Variants in IGF1R observed in about 807,000 individuals in gnomAD.
The protein encoded by IGF1R is insulin-like growth factor 1 receptor.
A neutral mutation model predicts 144.6 loss-of-function variants in IGF1R; 44 were observed. That is an observed-to-expected ratio of 0.30 (90% confidence interval 0.24 to 0.39). IGF1R has a LOEUF of 0.39. Among genes scored for constraint, IGF1R ranks in the 10% least tolerant of loss-of-function variants. The pLI, the probability that IGF1R is intolerant of heterozygous loss-of-function variation, is 1.00. For missense variants in IGF1R, 1,355 were observed against 1,833.7 expected (o/e 0.74, Z 4.77); for synonymous variants, 795 against 722.8 (o/e 1.10, Z -1.60).
intron 2 of IGF1R, among the ~76,000 whole-genome samples, chr15:98,789,052 A>G (rs1210921458): frequency 6.6e-6 from 1 of 152,228 alleles, no homozygotes; most frequent in Non-Finnish European, 1.5e-5. Context: ...AAAAAAGCAC[A>G]CGTAGGCTTA....
chr15:98,775,288 C>G (rs575995311), intron 2 of IGF1R, among the ~76,000 whole-genome samples: 1 of 152,166 alleles, frequency 6.6e-6, no homozygotes, highest in Non-Finnish European at 1.5e-5. Flanking sequence ...TTAACAGTCA[C>G]AAGACTGTAG....
Position 98,957,434 on chromosome 15 carries a change from A to C in IGF1R, c.4096A>C (p.Thr1366Pro), listed in dbSNP as rs773129173. The change falls in exon 21 of 21, where the codon ACC becomes CCC. Residue 1366 changes from threonine to proline, a missense_variant. Physicochemically the swap from Thr to Pro is conservative, Grantham distance 38. Transcript: ENST00000650285. Reference sequence around the variant, plus strand: ...GGCCTTGCCGCTGCCCCAGTCTTCGACCTGCTGATCCTTGGATCCTGAATC... The same window carrying C: ...GGCCTTGCCGCTGCCCCAGTCTTCGCCCTGCTGATCCTTGGATCCTGAATC... ...ERALPLPQSS[T>P]C is the part of the protein sequence containing the mutation. 2.5e-4 allele frequency: 399 copies of C among 1,612,812 alleles called. No homozygotes were observed. The highest frequency in any genetic ancestry group is 3.3e-4 in the Non-Finnish European group (388 of 1,180,040).
intron 5 of IGF1R, among the ~76,000 whole-genome samples, chr15:98,902,081 G>A (rs892187392): frequency 6.6e-6 from 1 of 152,110 alleles, no homozygotes; most frequent in African/African-American, 2.4e-5. Flanking sequence ...TTTCATCCCA[G>A]TGTTTCTCAA....
chr15:98,863,266 G>A (rs1189405923), intron 2 of IGF1R, among the ~76,000 whole-genome samples: 1 of 152,082 alleles, frequency 6.6e-6, no homozygotes, highest in Admixed American at 6.5e-5. Flanking sequence ...CATCCTGTCA[G>A]GAGATGCGTG....
Position 98,957,140 on chromosome 15 carries a change from G to A in IGF1R, c.3802G>A (p.Glu1268Lys). The change falls in exon 21 of 21, where the codon GAG (glutamate) becomes AAG (lysine). Residue 1268 changes from glutamate to lysine, a missense_variant. Around this residue, in one of 7 missense-constraint regions of IGF1R, gnomAD observed 219 missense variants for 188.8 expected, o/e 1.16. Coordinates refer to ENST00000650285, the MANE Select transcript of IGF1R (RefSeq NM_000875.5). Reference protein sequence around the residue: ...SFLEIISSIKEEMEPGFREVS... With the variant: ...SFLEIISSIKKEMEPGFREVS... Reference sequence around the variant, plus strand: ...CCTGGAGATCATCAGCAGCATCAAAGAGGAGATGGAGCCTGGCTTCCGGGA... The same window carrying A: ...CCTGGAGATCATCAGCAGCATCAAAAAGGAGATGGAGCCTGGCTTCCGGGA... The A allele has an allele frequency of 6.2e-7, 1 of 1,614,242 alleles. No homozygotes were observed. Among genetic ancestry groups the A allele is most frequent in the South Asian group, 1.1e-5 (1 of 91,086 alleles).
At chr15:98,850,421 A>T (rs1475693256) in intron 2 of IGF1R, among the ~76,000 whole-genome samples, 1 of 152,066 alleles carries the variant, frequency 6.6e-6, no homozygotes, top group Non-Finnish European at 1.5e-5. Flanking sequence ...GGTTCTGCAG[A>T]CACCTGGGGG....
chr15:98,918,401 A>G (rs1200437138), intron 10 of IGF1R, among the ~76,000 whole-genome samples: 1 of 150,440 alleles, frequency 6.6e-6, no homozygotes, highest in East Asian at 1.9e-4. Flanking sequence ...TTTTAAAGTG[A>G]TTTTTTTTTT....
intron 2 of IGF1R, among the ~76,000 whole-genome samples, chr15:98,740,653 T>C (rs2054716282): frequency 6.6e-6 from 1 of 152,226 alleles, no homozygotes; most frequent in African/African-American, 2.4e-5. Flanking sequence ...CGGCTTACCA[T>C]ATCTGTAGGG....
chr15:98,762,233 CTTTTCTTTTT>C (rs1444463333), intron 2 of IGF1R, among the ~76,000 whole-genome samples: 58 of 128,448 alleles, frequency 4.5e-4, no homozygotes, highest in South Asian at 5.0e-4. Flanking sequence ...CTTTTCTTTT[CTTTTCTTTTT>C]TTTTTTTTTT....
At chr15:98,770,297 C>G (rs553286130) in intron 2 of IGF1R, among the ~76,000 whole-genome samples, 1 of 152,246 alleles carries the variant, frequency 6.6e-6, no homozygotes, top group African/African-American at 2.4e-5. Flanking sequence ...AAGTTGATCT[C>G]TTGGAGGTAG....
intron 2 of IGF1R, among the ~76,000 whole-genome samples, chr15:98,749,680 T>C (rs898852338): frequency 6.6e-6 from 1 of 152,232 alleles, no homozygotes; most frequent in Non-Finnish European, 1.5e-5. Flanking sequence ...TCAGTAACAA[T>C]TATGCCTTAC....
intron 20 of IGF1R, among the ~76,000 whole-genome samples, chr15:98,949,605 A>C (rs1206788868): frequency 2.6e-5 from 4 of 152,128 alleles, no homozygotes; most frequent in African/African-American, 9.7e-5. Context: ...TCCTGACCTC[A>C]GATGATCTCC....
chr15:98,666,844 T>C (rs1241550478), intron 1 of IGF1R, among the ~76,000 whole-genome samples: 1 of 152,186 alleles, frequency 6.6e-6, no homozygotes, highest in East Asian at 1.9e-4. Context: ...AGCAACATTG[T>C]GAATCAGTGT....
rs187140703 is a variant in IGF1R, at chr15:98,959,498, C to T, written c.*2056C>T. The T allele has an allele frequency of 1.2e-3, 283 of 233,666 alleles. 1 individual carries two copies. The highest frequency in any genetic ancestry group is 5.7e-3 in the African/African-American group (258 of 45,460). 14.5% of individuals were successfully genotyped at this position (233,666 alleles called of 1,614,324 possible). ...AGGGCGGCACCCTCAGGGCTGTGCC[C>T]GCTGGAGTGCTAGGTGGAGGCAGCA... On this transcript the variant is annotated 3_prime_UTR_variant, in exon 21 of 21. Coordinates refer to ENST00000650285, the MANE Select transcript of IGF1R (RefSeq NM_000875.5).
In IGF1R at chr15:98,929,569, A is replaced by T. The variant is rs746876593; in HGVS notation, c.2794A>T (p.Asn932Tyr). 6.8e-6 allele frequency: 11 copies of T among 1,613,808 alleles called. No homozygotes were observed. Among genetic ancestry groups the T allele is most frequent in the Non-Finnish European group, 6.8e-6 (8 of 1,179,706 alleles). ...CCTCTTTGCTGCAGCAGGATATGAAAACTTCATCCATCTGATCATCGCTCT... is the reference window on the plus strand; with the variant it reads ...CCTCTTTGCTGCAGCAGGATATGAATACTTCATCCATCTGATCATCGCTCT... ...FYVQAKTGYENFIHLIIALPV... is the reference protein window; with the variant it reads ...FYVQAKTGYEYFIHLIIALPV... The change falls in exon 14 of 21, where the codon AAC becomes TAC. Residue 932 changes from asparagine (N) to tyrosine (Y), a missense_variant. Around this residue, in one of 7 missense-constraint regions of IGF1R, gnomAD observed 880 missense variants for 1,202.7 expected, o/e 0.73. Coordinates refer to ENST00000650285, the MANE Select transcript of IGF1R (RefSeq NM_000875.5).
At chr15:98,650,628 C>G (rs922809619) in intron 1 of IGF1R, among the ~76,000 whole-genome samples, 1 of 152,188 alleles carries the variant, frequency 6.6e-6, no homozygotes, top group African/African-American at 2.4e-5. Context: ...GTCGCCGCCT[C>G]ACGGGGACAC....
chr15:98,821,756 C>T (rs981891936), intron 2 of IGF1R, among the ~76,000 whole-genome samples: 31 of 152,166 alleles, frequency 2.0e-4, no homozygotes, highest in Non-Finnish European at 4.3e-4. Context: ...CTGCAAGGAT[C>T]TTCAGGAATA....
chr15:98,929,988 T>G (rs929965442), intron 14 of IGF1R, among the ~76,000 whole-genome samples: 2 of 152,194 alleles, frequency 1.3e-5, no homozygotes, highest in African/African-American at 4.8e-5. Flanking sequence ...AAGAAACAGA[T>G]GTTTCTTAAA....
At chr15:98,789,702 A>C (rs2056086410) in intron 2 of IGF1R, among the ~76,000 whole-genome samples, 1 of 152,212 alleles carries the variant, frequency 6.6e-6, no homozygotes, top group South Asian at 2.1e-4. Context: ...CTTATAGTTT[A>C]ATAAAGAAAC....
Sources: allele counts gnomAD v4.1 joint callset (sites outside exome capture counted in the v4.1 genomes callset), GRCh38; gene constraint gnomAD v4.1.1; regional missense constraint gnomAD v4.1.1; transcripts MANE v1.5; gene names NCBI Gene and HGNC (gene_info 2026-07-23, HGNC 2026-07-21).